The following RILPL1 variants were observed in gnomAD, a reference collection of about 807,000 sequenced individuals.
RILPL1 encodes the protein Rab interacting lysosomal protein like 1, also known as RILP-like protein 1.
In RILPL1, 33 loss-of-function variants were observed where a neutral mutation model predicts 50.3. The observed-to-expected ratio is 0.66, with a 90% confidence interval of 0.50 to 0.88. RILPL1 has a LOEUF of 0.88. Ranked by LOEUF, RILPL1 falls within the 40% of genes least tolerant of loss-of-function variation. RILPL1 has a pLI of 0.00. For synonymous variants in RILPL1, 205 were observed against 228.6 expected, an observed-to-expected ratio of 0.90 and a Z score of 0.93; for missense variants, 418 against 542.5, an observed-to-expected ratio of 0.77 and a Z score of 2.28.
At chr12:123,524,745 C>T (rs1159410412) in intron 1 of RILPL1, among the ~76,000 whole-genome samples, 2 of 152,150 alleles carry the variant, frequency 1.3e-5, no homozygotes, top group South Asian at 2.1e-4. Context: ...AGGAAGCAGA[C>T]GGGTGGTTGT....
chr12:123,517,361 A>G (rs1172043371), intron 2 of RILPL1, among the ~76,000 whole-genome samples: 1 of 151,850 alleles, frequency 6.6e-6, no homozygotes, highest in Admixed American at 6.6e-5. Context: ...AGCCCCAAGA[A>G]GCCAATATGG....
At chr12:123,482,952 C>A (rs1434465117) in intron 6 of RILPL1, among the ~76,000 whole-genome samples, 1 of 152,158 alleles carries the variant, frequency 6.6e-6, no homozygotes, top group Non-Finnish European at 1.5e-5. Context: ...GACAAACCTG[C>A]ACGGCTCTGC....
intron 6 of RILPL1, among the ~76,000 whole-genome samples, chr12:123,481,370 A>AAAG (rs1881989241): frequency 1.3e-5 from 2 of 151,644 alleles, no homozygotes; most frequent in African/African-American, 4.8e-5. Flanking sequence ...AAAAAAAAAA[A>AAAG]AAAGAAAGAA....
intron 2 of RILPL1, among the ~76,000 whole-genome samples, chr12:123,506,687 C>T (rs1242243009): frequency 2.0e-5 from 3 of 152,186 alleles, no homozygotes; most frequent in Non-Finnish European, 4.4e-5. Flanking sequence ...TGACGCTCAC[C>T]TCTCTGAGCC....
At chr12:123,502,825 G>A (rs1290764758) in intron 2 of RILPL1, among the ~76,000 whole-genome samples, 1 of 152,180 alleles carries the variant, frequency 6.6e-6, no homozygotes, top group Non-Finnish European at 1.5e-5. Flanking sequence ...AGGTCCAAAT[G>A]AACCTGAAAT....
In RILPL1 at chr12:123,498,637, C is replaced by T. The variant is rs1383424347; in HGVS notation, c.708G>A (p.Lys236=). ...KVELEADLQT[K]EQEMGSLRAE... is the part of the protein sequence containing the mutation. ...CTCGCAGGCTGCCCATCTCCTGCTC[C>T]TTGGTCTGCAGGTCTGCCTCCAGCT... The change falls in exon 4 of 7, where the codon AAG becomes AAA. Residue 236 remains lysine (K), a synonymous_variant. Transcript: ENST00000376874. The surrounding 1 kb of genome is among the most constrained non-coding windows in gnomAD (Gnocchi z 4.3). The T allele has an allele frequency of 7.4e-6, 12 of 1,613,812 alleles. No homozygotes were observed. Among genetic ancestry groups the T allele is most frequent in the Non-Finnish European group, 1.0e-5 (12 of 1,179,890 alleles).
At chr12:123,527,696 C>T (rs1027295904) in intron 1 of RILPL1, among the ~76,000 whole-genome samples, 1 of 151,990 alleles carries the variant, frequency 6.6e-6, no homozygotes, top group Admixed American at 6.6e-5. Flanking sequence ...GGAGATGATT[C>T]TGGATTATCT....
intron 1 of RILPL1, among the ~76,000 whole-genome samples, chr12:123,530,190 G>C (rs1357032239): frequency 2.0e-5 from 3 of 152,126 alleles, no homozygotes; most frequent in Non-Finnish European, 4.4e-5. Context: ...TTTTGAGACA[G>C]AGTCTCACTC....
chr12:123,493,227 T>C (rs1882816691), intron 4 of RILPL1, among the ~76,000 whole-genome samples: 1 of 152,368 alleles, frequency 6.6e-6, no homozygotes, highest in Middle Eastern at 3.4e-3. Context: ...TACTGCTTTG[T>C]AAAGCATTGA....
chr12:123,475,537 G>A, intron 6 of RILPL1: 1 of 675,984 alleles, frequency 1.5e-6, no homozygotes, highest in Non-Finnish European at 2.7e-6. Flanking sequence ...CACGTCAAAT[G>A]GAGCACACAG....
At chr12:123,510,474 T>G (rs1308781471) in intron 2 of RILPL1, among the ~76,000 whole-genome samples, 7 of 133,574 alleles carry the variant, frequency 5.2e-5, no homozygotes, top group Admixed American at 1.5e-4. Flanking sequence ...TCTGTGTGTG[T>G]GGGGTATATG....
chr12:123,492,444 C>T (rs1337933712), intron 4 of RILPL1, among the ~76,000 whole-genome samples: 1 of 152,108 alleles, frequency 6.6e-6, no homozygotes, highest in Non-Finnish European at 1.5e-5. Context: ...GAGGCAGCTA[C>T]CGCAGGAGCA....
intron 6 of RILPL1, among the ~76,000 whole-genome samples, chr12:123,479,576 T>C (rs1881822864): frequency 6.6e-6 from 1 of 152,120 alleles, no homozygotes; most frequent in Non-Finnish European, 1.5e-5. Flanking sequence ...GCTCACAGGC[T>C]GCTCTGGTAC....
In RILPL1 at chr12:123,475,673, AGTC is replaced by A. The variant is rs1264832330; in HGVS notation, c.1068-2994_1068-2992del. 4 of 1,589,164 alleles carry A rather than the reference AGTC, an allele frequency of 2.5e-6. No individual in the cohort carries two copies. The African/African-American group carries it at 4.0e-5, about 16-fold the overall frequency. ...ACACACAGTGCCTACAAGGGAAACA[AGTC>A]GTCGGACAGGCTGCAGTGTGGGGTC... On this transcript the variant is annotated intron_variant, in intron 6 of 6. Coordinates refer to ENST00000376874, the MANE Select transcript of RILPL1 (RefSeq NM_178314.5).
Position 123,485,234 on chromosome 12 carries a change from G to A in RILPL1, c.974+399C>T, listed in dbSNP as rs1338068340. 5 of 459,646 alleles carry A rather than the reference G, an allele frequency of 1.1e-5. No homozygotes were observed. Among genetic ancestry groups the A allele is most frequent in the Non-Finnish European group, 2.2e-5 (5 of 229,482 alleles). 28.5% of individuals were successfully genotyped at this position (459,646 alleles called of 1,614,324 possible). A position where few individuals can be genotyped will look rare whatever the true frequency, so the allele number is the denominator to read the frequency against. ...GTCTCATGTGGAAACCTACAATAAA[G>A]CAAGCATGAGAGTGAACAGGATAAT... On this transcript the variant is annotated intron_variant, in intron 5 of 6. Coordinates refer to ENST00000376874, the MANE Select transcript of RILPL1 (RefSeq NM_178314.5). This position sits in a 1 kb window ranked among gnomAD's most constrained non-coding sequence, Gnocchi z 4.0.
At chr12:123,532,347 A>T (rs1885463621) in intron 1 of RILPL1, among the ~76,000 whole-genome samples, 1 of 152,152 alleles carries the variant, frequency 6.6e-6, no homozygotes, top group Admixed American at 6.5e-5. Context: ...GGAGGCCCTG[A>T]TTCAGAGAGA....
In RILPL1 at chr12:123,532,703, TG is replaced by T. The variant is rs371925078; in HGVS notation, c.309+470del. 9.3e-3 allele frequency among the ~76,000 whole-genome samples: 220 copies of T among 23,628 alleles called. 12 individuals carry two copies. The highest frequency in any genetic ancestry group is 0.017 in the African/African-American group (147 of 8,780). The allele number at this position is 23,628 out of a possible 152,430, so 15.5% of individuals were successfully genotyped here. A position where few individuals can be genotyped will look rare whatever the true frequency, so the allele number is the denominator to read the frequency against. ...CACATTCCCTTTGCTCTGGGGAGAC[TG>T]GGGGGGGGGGGGATGAAGAAAGGGT... On this transcript the variant is annotated intron_variant, in intron 1 of 6. Coordinates refer to ENST00000376874, the MANE Select transcript of RILPL1 (RefSeq NM_178314.5).
At chr12:123,490,123 C>T (rs1593547170) in intron 4 of RILPL1, among the ~76,000 whole-genome samples, 1 of 152,124 alleles carries the variant, frequency 6.6e-6, no homozygotes, top group African/African-American at 2.4e-5. Flanking sequence ...CCTCCAGTCC[C>T]TTCCTCCTCA....
intron 2 of RILPL1, among the ~76,000 whole-genome samples, chr12:123,511,668 C>A (rs1397836007): frequency 8.4e-5 from 7 of 83,660 alleles, no homozygotes; most frequent in African/African-American, 3.5e-4. Context: ...TGTGTGAGGT[C>A]TGTGTGTGTG....
Sources: gnomAD v4.1 joint callset for allele counts (sites outside exome capture counted in the v4.1 genomes callset) on GRCh38, gnomAD v4.1.1 for gene constraint, Gnocchi (gnomAD v3.1) non-coding constraint, MANE v1.5 for transcripts, NCBI Gene and HGNC (gene_info 2026-07-23, HGNC 2026-07-21) for gene names.